Variants in ADGRV1 observed in about 807,000 individuals in gnomAD.
ADGRV1 encodes the protein G-protein coupled receptor 98.
ADGRV1 carries 359 observed loss-of-function variants against 596.2 expected under a neutral mutation model. The observed-to-expected ratio is 0.60, with a 90% CI of 0.55 to 0.66. The LOEUF (loss-of-function observed/expected upper bound fraction) is 0.66. Among genes scored for constraint, ADGRV1 ranks in the 30% least tolerant of loss-of-function variants. ADGRV1 has a pLI of 0.00. For synonymous variants in ADGRV1, 2,681 were observed against 2,679.2 expected, an observed-to-expected ratio of 1.00 and a Z score of -0.02; for missense variants, 7,274 against 7,575.6, an observed-to-expected ratio of 0.96 and a Z score of 1.48.
chr5:91,149,831 CAAAAAAAAAAA>C (rs59523008), intron 87 of ADGRV1, among the ~76,000 whole-genome samples, 188 bp from the exon 88 acceptor site: 1 of 85,924 alleles, frequency 1.2e-5, no homozygotes, highest in Non-Finnish European at 2.1e-5. Context: ...AACTCCAGCT[CAAAAAAAAAAA>C]AAAAAAAGAG....
rs1265664066 is a variant in ADGRV1, at chr5:91,150,093, A to G, written c.18496A>G (p.Ser6166Gly). 5 of 1,564,222 alleles carry G rather than the reference A, an allele frequency of 3.2e-6. No homozygotes were observed. The highest frequency in any genetic ancestry group is 1.9e-5 in the Admixed American group (1 of 52,190). Residue 6166 changes from serine to glycine, a missense_variant, in exon 88 of 90, where the codon AGT (serine) becomes GGT (glycine). Ser to Gly is a moderately conservative substitution (Grantham distance 56). Coordinates refer to ENST00000405460, the MANE Select transcript of ADGRV1 (RefSeq NM_032119.4). The stretch of plus-strand genomic sequence containing the variant: ...CCAAATGTGTTGCCCTATGAAGGCC[A>G]GTTACACTGTGGAAATGAATGGGCA... The part of the protein sequence containing the change: ...HNQMCCPMKA[S>G]YTVEMNGHPG...
intron 24 of ADGRV1, 98 bp downstream of exon 24, chr5:90,675,543 T>G: frequency 4.2e-6 from 5 of 1,185,056 alleles, no homozygotes; most frequent in Non-Finnish European, 6.1e-6. Context: ...ACATAGTGAC[T>G]CACGCCTGTA....
At chr5:90,672,007 C>A (rs1431996817) in intron 21 of ADGRV1, among the ~76,000 whole-genome samples, 1 of 152,134 alleles carries the variant, frequency 6.6e-6, no homozygotes, top group Non-Finnish European at 1.5e-5. Flanking sequence ...CAAGGATCTC[C>A]CCATTTGGCA....
chr5:91,095,723 A>G (rs576993477), intron 86 of ADGRV1, among the ~76,000 whole-genome samples: 17 of 152,228 alleles, frequency 1.1e-4, no homozygotes, highest in African/African-American at 4.1e-4. Context: ...GTTTCAATCT[A>G]TCTTTCTAAT....
intron 21 of ADGRV1, among the ~76,000 whole-genome samples, chr5:90,662,450 C>G (rs1037547748): frequency 3.3e-5 from 5 of 152,014 alleles, no homozygotes; most frequent in Non-Finnish European, 5.9e-5. Flanking sequence ...ACCTCAGCCT[C>G]CCAAAGTGCT....
intron 1 of ADGRV1, among the ~76,000 whole-genome samples, chr5:90,594,069 G>T (rs1225723857): frequency 6.6e-6 from 1 of 152,088 alleles, no homozygotes; most frequent in African/African-American, 2.4e-5. Context: ...ATTTCTTCTT[G>T]AAATAAAAAA....
rs1253939978 is a variant in ADGRV1 at position 90,763,346 on chromosome 5, A to G, written c.12162A>G (p.Ser4054=). 7 of 1,610,144 alleles carry G rather than the reference A, an allele frequency of 4.3e-6. No homozygotes were observed. Among genetic ancestry groups the G allele is most frequent in the African/African-American group, 2.7e-5 (2 of 74,608 alleles). ...CCCTTTCATCCGATGACCCTGATTCATATGTGACATTGACGGTTGTCCGGT... is the reference window on the plus strand; with the variant it reads ...CCCTTTCATCCGATGACCCTGATTCGTATGTGACATTGACGGTTGTCCGGT... The part of the protein sequence containing the change: ...DESLSSDDPD[S]YVTLTVVRSP... Residue 4054 remains serine (S), a synonymous_variant, in exon 59 of 90, where the codon TCA becomes TCG. Transcript: ENST00000405460.
chr5:90,680,120 C>T (rs539346048), intron 26 of ADGRV1, among the ~76,000 whole-genome samples: 103 of 152,156 alleles, frequency 6.8e-4, no homozygotes, highest in African/African-American at 2.3e-3. Context: ...GAGACCGAGG[C>T]GGGCTGATCA....
intron 85 of ADGRV1, among the ~76,000 whole-genome samples, chr5:90,994,409 T>G (rs1306551088): frequency 6.6e-6 from 1 of 152,198 alleles, no homozygotes; most frequent in Non-Finnish European, 1.5e-5. Flanking sequence ...GGTTCTTTTT[T>G]ATGATTTCTA....
intron 83 of ADGRV1, among the ~76,000 whole-genome samples, chr5:90,949,469 T>C (rs904499234): frequency 6.6e-6 from 1 of 152,202 alleles, no homozygotes; most frequent in Non-Finnish European, 1.5e-5. Flanking sequence ...TTGCAAATCA[T>C]GTAGTACATG....
chr5:91,135,796 A>G (rs1289565503), intron 87 of ADGRV1, among the ~76,000 whole-genome samples: 1 of 152,194 alleles, frequency 6.6e-6, no homozygotes, highest in East Asian at 1.9e-4. Flanking sequence ...ATGATGTGAC[A>G]TTAGGGTAGA....
chr5:91,049,091 T>C (rs555947454), intron 85 of ADGRV1, among the ~76,000 whole-genome samples: 1 of 152,210 alleles, frequency 6.6e-6, no homozygotes, highest in East Asian at 1.9e-4. Flanking sequence ...CCAAGACCAC[T>C]GAACTGAACC....
intron 21 of ADGRV1, among the ~76,000 whole-genome samples, chr5:90,666,971 A>G (rs1357284709): frequency 1.3e-5 from 2 of 152,076 alleles, no homozygotes; most frequent in Admixed American, 6.5e-5. Context: ...GGTTTCTGCC[A>G]AGAGATCCGT....
intron 9 of ADGRV1, among the ~76,000 whole-genome samples, chr5:90,633,626 G>GTATA (rs377033956): frequency 6.6e-6 from 1 of 150,706 alleles, no homozygotes; most frequent in Non-Finnish European, 1.5e-5. Flanking sequence ...ATATATATGT[G>GTATA]TATATATATA....
At chr5:90,988,211 A>G (rs10079430) in intron 85 of ADGRV1, among the ~76,000 whole-genome samples, 3,621 of 152,208 alleles carry the variant, frequency 0.024, 44 homozygotes, top group Middle Eastern at 0.045. Flanking sequence ...TTTTGCTTTA[A>G]TTTTATTTTG....
intron 6 of ADGRV1, 146 bp downstream of exon 6, chr5:90,625,389 C>G (rs778006304): frequency 3.9e-5 from 20 of 507,640 alleles, no homozygotes; most frequent in Non-Finnish European, 6.0e-5. Context: ...ATTTATCTTA[C>G]TTAATTCACA....
At chr5:90,595,971 G>C (rs1161709156) in intron 1 of ADGRV1, among the ~76,000 whole-genome samples, 18 of 150,768 alleles carry the variant, frequency 1.2e-4, no homozygotes, top group Admixed American at 1.1e-3. Flanking sequence ...CTGCCGGGCG[G>C]AGAGGCTCCT....
chr5:90,725,259 A>G, intron 47 of ADGRV1, 27 bp downstream of exon 47: 1 of 1,212,902 alleles, frequency 8.2e-7, no homozygotes, highest in Non-Finnish European at 1.1e-6. Flanking sequence ...TTTTAAATAG[A>G]TTACTTTCTT....
chr5:91,158,437 G>A (rs1796651925), intron 89 of ADGRV1, among the ~76,000 whole-genome samples: 1 of 152,140 alleles, frequency 6.6e-6, no homozygotes, highest in Non-Finnish European at 1.5e-5. Context: ...GTGGAAAAAA[G>A]TTCATTTTTA....
Sources: allele counts gnomAD v4.1 joint callset (sites outside exome capture counted in the v4.1 genomes callset), GRCh38; gene constraint gnomAD v4.1.1; transcripts MANE v1.5; gene names NCBI Gene and HGNC (gene_info 2026-07-23, HGNC 2026-07-21).